ARCN1: variants seen among roughly 807,000 people sequenced by gnomAD.
ARCN1 encodes archain 1 coat protein complex I subunit delta.
ARCN1 carries 5 observed loss-of-function variants against 60.4 expected under a neutral mutation model. The ratio of observed to expected loss-of-function variants is 0.08; its 90% CI spans 0.04 to 0.17. ARCN1 has a LOEUF of 0.17. Among genes scored for constraint, ARCN1 ranks in the 10% least tolerant of loss-of-function variants. The pLI is 1.00. For missense variants in ARCN1, 464 were observed against 626.5 expected, an observed-to-expected ratio of 0.74 and a Z score of 2.77; for synonymous variants, 224 against 220.0, an observed-to-expected ratio of 1.02 and a Z score of -0.16.
intron 9 of ARCN1, among the ~76,000 whole-genome samples, 169 bp from the exon 10 acceptor site, chr11:118,600,456 G>A (rs1939124000): frequency 6.6e-6 from 1 of 152,192 alleles, no homozygotes; most frequent in African/African-American, 2.4e-5. Flanking sequence ...TTTTGGTGGG[G>A]AAGAGTGATG....
intron 1 of ARCN1, among the ~76,000 whole-genome samples, chr11:118,578,085 T>A (rs868988158): frequency 2.6e-5 from 4 of 151,780 alleles, no homozygotes; most frequent in Admixed American, 1.3e-4. Context: ...TTGCTTGAAC[T>A]CAGGAGGCAG....
intron 8 of ARCN1, among the ~76,000 whole-genome samples, chr11:118,596,818 C>G (rs1422444562): frequency 6.6e-6 from 1 of 152,180 alleles, no homozygotes; most frequent in African/African-American, 2.4e-5. Flanking sequence ...GGTAATTGTG[C>G]TTTCACTTAT....
At chr11:118,588,324 GA>G (rs1328435292) in intron 5 of ARCN1, among the ~76,000 whole-genome samples, 3 of 152,062 alleles carry the variant, frequency 2.0e-5, no homozygotes, top group Non-Finnish European at 4.4e-5. Flanking sequence ...TTGGGCTGGT[GA>G]AAGGAGGGCA....
intron 2 of ARCN1, among the ~76,000 whole-genome samples, chr11:118,582,662 G>T (rs542769805): frequency 6.6e-6 from 1 of 151,140 alleles, no homozygotes; most frequent in Non-Finnish European, 1.5e-5. Flanking sequence ...GGAGGTGGGG[G>T]TTGCAGTGAG....
chr11:118,593,606 G>A lies in ARCN1; in HGVS notation c.1149G>A (p.Ser383=), dbSNP rs1555076670. The A allele has an allele frequency of 5.0e-6, 8 of 1,612,380 alleles. No individual in the cohort carries two copies. Among genetic ancestry groups the A allele is most frequent in the Admixed American group, 3.3e-5 (2 of 59,972 alleles). The change falls in exon 8 of 10, where the codon TCG becomes TCA. Residue 383 remains serine, a synonymous_variant. Coordinates refer to ENST00000264028, the MANE Select transcript of ARCN1 (RefSeq NM_001655.5). ...TCTCCTCAGTTAATTGCTGGCCCTC[G>A]GAGAGTGGAAATGGCTGTGATGTCA... The part of the protein sequence containing the change: ...FIPLTINCWP[S]ESGNGCDVNI...
chr11:118,581,135 A>G (rs1565359831), intron 1 of ARCN1, 111 bp from the exon 2 acceptor site: 25 of 1,366,370 alleles, frequency 1.8e-5, no homozygotes, highest in Non-Finnish European at 2.5e-5. Flanking sequence ...TAATACTACT[A>G]CTAGTCATGT....
chr11:118,574,643 G>C (rs1938441962), intron 1 of ARCN1, among the ~76,000 whole-genome samples: 1 of 152,078 alleles, frequency 6.6e-6, no homozygotes. Context: ...AGTTATTGAA[G>C]TGCAGAATGT....
At chr11:118,587,555 ACAACT>A (rs1160040899) in intron 5 of ARCN1, among the ~76,000 whole-genome samples, 1 of 152,178 alleles carries the variant, frequency 6.6e-6, no homozygotes, top group African/African-American at 2.4e-5. Context: ...TGTAGAAAAA[ACAACT>A]CAAACTGTTT....
chr11:118,583,757 T>C, intron 3 of ARCN1, 52 bp from the exon 4 acceptor site: 1 of 1,586,596 alleles, frequency 6.3e-7, no homozygotes, highest in Non-Finnish European at 8.6e-7. Flanking sequence ...AGACCCTGTC[T>C]CAACAAAAAC....
At chr11:118,598,010 T>A in intron 9 of ARCN1, 99 bp downstream of exon 9, 1 of 1,190,908 alleles carries the variant, frequency 8.4e-7, no homozygotes, top group African/African-American at 1.5e-5. Context: ...TGTGGTCAGA[T>A]AAAGCTCAGA....
chr11:118,585,131 T>G (rs1938750675), intron 5 of ARCN1, among the ~76,000 whole-genome samples: 3 of 151,678 alleles, frequency 2.0e-5, no homozygotes, highest in Admixed American at 2.0e-4. Flanking sequence ...CGGCTGTTGT[T>G]TTGTTTTATT....
In ARCN1 at chr11:118,583,153, T is replaced by G. The variant is rs782425489; in HGVS notation, c.268-26T>G. ...TAGCTGCTGATAAATTCTAAATCTTTCTTTTTTATTGGTGTCCACGCTTAG... is the reference window on the plus strand; with the variant it reads ...TAGCTGCTGATAAATTCTAAATCTTGCTTTTTTATTGGTGTCCACGCTTAG... On this transcript the variant is annotated intron_variant, in intron 2 of 9. Coordinates refer to ENST00000264028, the MANE Select transcript of ARCN1 (RefSeq NM_001655.5). 4 of 1,610,374 alleles carry G rather than the reference T, an allele frequency of 2.5e-6. No homozygotes were observed. The East Asian group carries it at 6.7e-5, about 27-fold the overall frequency.
At chr11:118,585,616 T>G (rs1238297608) in intron 5 of ARCN1, among the ~76,000 whole-genome samples, 1 of 152,146 alleles carries the variant, frequency 6.6e-6, no homozygotes, top group Non-Finnish European at 1.5e-5. Context: ...CTCAGCTTGT[T>G]GCAACCTCTG....
chr11:118,578,957 G>A (rs1360268907), intron 1 of ARCN1, among the ~76,000 whole-genome samples: 2 of 136,380 alleles, frequency 1.5e-5, no homozygotes, highest in Non-Finnish European at 3.1e-5. Context: ...TTTTTTTCAT[G>A]AGATGCATGT....
intron 9 of ARCN1, among the ~76,000 whole-genome samples, chr11:118,599,433 G>A (rs1054525619): frequency 2.7e-5 from 4 of 150,920 alleles, no homozygotes; most frequent in Non-Finnish European, 5.9e-5. Context: ...AGTTTTTATT[G>A]TTGTTGTTGT....
chr11:118,581,041 G>A (rs557109369), intron 1 of ARCN1, among the ~76,000 whole-genome samples: 17 of 152,214 alleles, frequency 1.1e-4, no homozygotes, highest in Non-Finnish European at 1.8e-4. Flanking sequence ...GATTTCTTGA[G>A]CCCAGGAGTT....
At chr11:118,590,613 A>G (rs1938883290) in intron 6 of ARCN1, 107 bp downstream of exon 6, 6 of 1,176,534 alleles carry the variant, frequency 5.1e-6, no homozygotes, top group Non-Finnish European at 7.2e-6. Context: ...TAAGTTATAT[A>G]ACTAGCATCA....
At chr11:118,595,378 T>C (rs1424519059) in intron 8 of ARCN1, among the ~76,000 whole-genome samples, 1 of 152,238 alleles carries the variant, frequency 6.6e-6, no homozygotes, top group African/African-American at 2.4e-5. Context: ...CTACATTAGT[T>C]ACAGTAAATT....
Position 118,601,297 on chromosome 11 carries a change from G to A in ARCN1, c.*583G>A, listed in dbSNP as rs567352782. Reference sequence around the variant, plus strand: ...GGCTGGTCGCGAACTCCTGAGCTCAGGCAATCCGCCCACCTCAGCCTCCCA... The same window carrying A: ...GGCTGGTCGCGAACTCCTGAGCTCAAGCAATCCGCCCACCTCAGCCTCCCA... On this transcript the variant is annotated 3_prime_UTR_variant, in exon 10 of 10. Transcript: ENST00000264028. The A allele has an allele frequency of 2.8e-3, 1,075 of 388,190 alleles. 11 individuals are homozygous for A. The highest frequency in any genetic ancestry group is 0.02 in the African/African-American group (935 of 46,678). 24.0% of individuals were successfully genotyped at this position (388,190 alleles called of 1,614,324 possible). A position where few individuals can be genotyped will look rare whatever the true frequency, so the allele number is the denominator to read the frequency against.
Sources: gnomAD v4.1 joint callset for allele counts (sites outside exome capture counted in the v4.1 genomes callset) on GRCh38, gnomAD v4.1.1 for gene constraint, MANE v1.5 for transcripts, NCBI Gene and HGNC (gene_info 2026-07-23, HGNC 2026-07-21) for gene names.